Variants in DLG2 observed in about 807,000 individuals in gnomAD.
DLG2 encodes disks large homolog 2.
A neutral mutation model predicts 132.5 loss-of-function variants in DLG2; 45 were observed. The ratio of observed to expected loss-of-function variants is 0.34; its 90% CI spans 0.27 to 0.44. DLG2 has a LOEUF of 0.44. Ranked by LOEUF, DLG2 falls within the 20% of genes least tolerant of loss-of-function variation. The pLI, the probability that DLG2 is intolerant of heterozygous loss-of-function variation, is 1.00. For synonymous variants in DLG2, 424 were observed against 419.6 expected, an observed-to-expected ratio of 1.01 and a Z score of -0.13; for missense variants, 1,045 against 1,196.9, an observed-to-expected ratio of 0.87 and a Z score of 1.87.
intron 11 of DLG2, among the ~76,000 whole-genome samples, chr11:84,042,260 A>T (rs941967801): frequency 1.3e-5 from 2 of 151,708 alleles, no homozygotes; most frequent in Non-Finnish European, 2.9e-5. Context: ...TGTCTTGTCT[A>T]TTTTCAGAAT....
intron 22 of DLG2, among the ~76,000 whole-genome samples, chr11:83,474,444 T>C (rs1485299703): frequency 6.6e-6 from 1 of 152,146 alleles, no homozygotes; most frequent in Admixed American, 6.6e-5. Flanking sequence ...ATAGTTTTAA[T>C]GATAGAAGCA....
At chr11:83,614,392 G>A (rs1374510085) in intron 19 of DLG2, among the ~76,000 whole-genome samples, 3 of 152,120 alleles carry the variant, frequency 2.0e-5, no homozygotes, top group Admixed American at 1.3e-4. Context: ...GAAGTCATGC[G>A]CATGGGCAAC....
chr11:84,663,090 C>G (rs1008878409), intron 6 of DLG2, among the ~76,000 whole-genome samples: 1 of 152,018 alleles, frequency 6.6e-6, no homozygotes, highest in Non-Finnish European at 1.5e-5. Flanking sequence ...TTAGTATGTC[C>G]TTCTCCCATT....
intron 3 of DLG2, among the ~76,000 whole-genome samples, chr11:85,512,815 T>G (rs138989689): frequency 1.3e-5 from 2 of 152,204 alleles, no homozygotes; most frequent in Admixed American, 1.3e-4. Flanking sequence ...GAAATTATCA[T>G]TCGACCCAGC....
chr11:84,054,284 T>C (rs915658084), intron 11 of DLG2, among the ~76,000 whole-genome samples: 4 of 152,068 alleles, frequency 2.6e-5, no homozygotes, highest in Non-Finnish European at 5.9e-5. Context: ...GAAGTTATGA[T>C]TTAATGTGTT....
intron 6 of DLG2, among the ~76,000 whole-genome samples, chr11:84,998,011 TTAAAGA>T (rs1347949741): frequency 6.6e-6 from 1 of 152,210 alleles, no homozygotes; most frequent in African/African-American, 2.4e-5. Context: ...CTTTAAAATA[TTAAAGA>T]TAATTATTTT....
At chr11:83,907,209 C>T (rs552174009) in intron 15 of DLG2, among the ~76,000 whole-genome samples, 5 of 152,198 alleles carry the variant, frequency 3.3e-5, no homozygotes, top group African/African-American at 1.2e-4. Context: ...ATGAAAGAAA[C>T]TAGAAGGATC....
intron 18 of DLG2, chr11:83,692,216 T>C (rs960768591): frequency 6.6e-6 from 1 of 152,202 alleles, no homozygotes; most frequent in African/African-American, 2.4e-5. Flanking sequence ...ACCCCTTCCC[T>C]GCAACAAATC....
intron 6 of DLG2, among the ~76,000 whole-genome samples, chr11:85,056,793 T>C (rs1027986219): frequency 6.6e-6 from 1 of 151,986 alleles, no homozygotes; most frequent in Non-Finnish European, 1.5e-5. Flanking sequence ...GCAGCAATAA[T>C]GAAAGCCATA....
chr11:84,225,567 G>T (rs1434942811), intron 8 of DLG2, among the ~76,000 whole-genome samples: 1 of 152,124 alleles, frequency 6.6e-6, no homozygotes, highest in African/African-American at 2.4e-5. Flanking sequence ...TCCTTTAGTG[G>T]ACTCTCTTGC....
At chr11:84,861,640 C>CAAAAAAAAAAAA (rs1248486704) in intron 6 of DLG2, among the ~76,000 whole-genome samples, 1 of 75,652 alleles carries the variant, frequency 1.3e-5, no homozygotes, top group African/African-American at 6.1e-5. Context: ...AAAAAAAAAA[C>CAAAAAAAAAAAA]AAAAAAAAAA....
chr11:83,787,312 GTTTTTTTTTTGT>G (rs2040223010), intron 17 of DLG2, among the ~76,000 whole-genome samples: 1 of 69,640 alleles, frequency 1.4e-5, no homozygotes, highest in East Asian at 4.2e-4. Context: ...CTTAAGCCTT[GTTTTTTTTTTGT>G]TTTTTTTTTT....
At chr11:83,630,150 A>G (rs1478758207) in intron 19 of DLG2, among the ~76,000 whole-genome samples, 1 of 152,212 alleles carries the variant, frequency 6.6e-6, no homozygotes. Flanking sequence ...GCTCATATTT[A>G]AAATACTGCC....
At chr11:83,937,416 G>A (rs1425143972) in intron 14 of DLG2, among the ~76,000 whole-genome samples, 1 of 151,296 alleles carries the variant, frequency 6.6e-6, no homozygotes, top group African/African-American at 2.4e-5. Context: ...GCTGAGGCAG[G>A]AGAATGGCCT....
At chr11:83,944,606 T>A (rs1056883119) in intron 14 of DLG2, among the ~76,000 whole-genome samples, 1 of 152,336 alleles carries the variant, frequency 6.6e-6, no homozygotes, top group Non-Finnish European at 1.5e-5. Context: ...AGAGATTTTT[T>A]AGAAAGACTA....
At position 85,476,913 on chromosome 11, in the gene DLG2, A is replaced by T. The variant is rs1464825671; in HGVS notation, c.40+121744T>A. Among the ~76,000 whole-genome samples the T allele has an allele frequency of 2.6e-5, 4 of 152,256 alleles. No homozygotes were observed. In the East Asian group the frequency reaches 5.8e-4, roughly 22 times the overall value. ...TAATAAAAAGTATGGTAAATACCTA[A>T]ACCAGTGACATGTATTATTTATCAA... On this transcript the variant is annotated intron_variant, in intron 3 of 27. Coordinates refer to ENST00000376104, the MANE Select transcript of DLG2 (RefSeq NM_001142699.3).
chr11:84,232,378 C>T lies in DLG2; in HGVS notation c.573+18860G>A, dbSNP rs533452025. The stretch of plus-strand genomic sequence containing the variant: ...TAAACCTAGGTAACAGTACCTGGCA[C>T]AAGTAGGCATTCAAGAACTTTTATT... On this transcript the variant is annotated intron_variant, in intron 8 of 27. Coordinates refer to ENST00000376104, the MANE Select transcript of DLG2 (RefSeq NM_001142699.3). Among the ~76,000 whole-genome samples the T allele has an allele frequency of 3.1e-4, 47 of 152,282 alleles. No homozygotes were observed. The South Asian group carries it at 4.4e-3, about 14-fold the overall frequency.
At position 85,140,260 on chromosome 11, in the gene DLG2, C is replaced by G. The variant is rs11234303; in HGVS notation, c.282+14296G>C. Among the ~76,000 whole-genome samples the G allele has an allele frequency of 1.9e-3, 288 of 151,968 alleles. 1 individual carries two copies. The highest frequency in any genetic ancestry group is 6.7e-3 in the African/African-American group (280 of 41,504). On this transcript the variant is annotated intron_variant, in intron 5 of 27. Transcript: ENST00000376104. Reference sequence around the variant, plus strand: ...ATACTGTTTTCCATAATGGCTGTACCAATCTCCATTCCCACCAACAGTGTA... The same window carrying G: ...ATACTGTTTTCCATAATGGCTGTACGAATCTCCATTCCCACCAACAGTGTA...
intron 18 of DLG2, among the ~76,000 whole-genome samples, chr11:83,738,440 T>A (rs2092198328): frequency 6.6e-6 from 1 of 152,066 alleles, no homozygotes; most frequent in Non-Finnish European, 1.5e-5. Flanking sequence ...GGCATTATTG[T>A]CCAAATGAAA....
Sources: allele counts gnomAD v4.1 joint callset (sites outside exome capture counted in the v4.1 genomes callset), GRCh38; gene constraint gnomAD v4.1.1; transcripts MANE v1.5; gene names NCBI Gene and HGNC (gene_info 2026-07-23, HGNC 2026-07-21).